Variants in PRKAA1 observed in about 807,000 individuals in gnomAD.
PRKAA1 encodes the protein protein kinase AMP-activated catalytic subunit alpha 1, also known as 5'-AMP-activated protein kinase catalytic subunit alpha-1.
Under a neutral mutation model 56.9 loss-of-function variants are expected in PRKAA1, and 23 were observed. That is an observed-to-expected ratio of 0.40 (90% confidence interval 0.29 to 0.57). The LOEUF (loss-of-function observed/expected upper bound fraction) is 0.57, where lower values mean the gene tolerates loss of function less well. PRKAA1 is among the 20% of genes least tolerant of loss of function. The pLI is 0.39. For synonymous variants in PRKAA1, 226 were observed against 227.0 expected, an observed-to-expected ratio of 1.00 and a Z score of 0.04; for missense variants, 413 against 679.7, an observed-to-expected ratio of 0.61 and a Z score of 4.36.
At position 40,762,511 on chromosome 5, in the gene PRKAA1, G is replaced by A; in HGVS notation, c.*267C>T. ...CCCTGTGTACACTAAATATAAAATA[G>A]CCAAAAATCAAGTAAGCCTGAGACC... is the stretch of plus-strand genomic sequence containing the variant. On this transcript the variant is annotated 3_prime_UTR_variant, in exon 9 of 9. Transcript: ENST00000397128. 2.7e-6 allele frequency: 1 copy of A among 366,506 alleles called. No homozygotes were observed. Among genetic ancestry groups the A allele is most frequent in the Non-Finnish European group, 5.0e-6 (1 of 199,522 alleles). The allele number at this position is 366,506 out of a possible 1,614,324, so 22.7% of individuals were successfully genotyped here. A position where few individuals can be genotyped will look rare whatever the true frequency, so the allele number is the denominator to read the frequency against.
Position 40,790,404 on chromosome 5 carries a change from G to A in PRKAA1, c.127+7659C>T, listed in dbSNP as rs997089843. 1.4e-4 allele frequency among the ~76,000 whole-genome samples: 21 copies of A among 152,184 alleles called. 1 individual carries two copies. Among genetic ancestry groups the A allele is most frequent in the Admixed American group, 1.2e-3 (19 of 15,274 alleles). ...CTTATACCCTCACACAGTGACAGCA[G>A]TGGGAGTTATTTAGCAGGATAGGGC... is the stretch of plus-strand genomic sequence containing the variant. On this transcript the variant is annotated intron_variant, in intron 1 of 8. Transcript: ENST00000397128.
chr5:40,786,052 C>T (rs1174314097), intron 1 of PRKAA1, among the ~76,000 whole-genome samples: 6 of 151,988 alleles, frequency 3.9e-5, no homozygotes, highest in Admixed American at 2.0e-4. Flanking sequence ...GTCAGGAGTT[C>T]GAGACCAGCC....
intron 5 of PRKAA1, 88 bp downstream of exon 5, chr5:40,769,328 G>T: frequency 1.9e-6 from 2 of 1,030,442 alleles, no homozygotes; most frequent in Non-Finnish European, 2.9e-6. Context: ...CCTTTCATTA[G>T]AATTAAATAT....
At chr5:40,781,957 T>A (rs1561181489) in intron 1 of PRKAA1, among the ~76,000 whole-genome samples, 1 of 152,216 alleles carries the variant, frequency 6.6e-6, no homozygotes. Flanking sequence ...CTGTTAAAGC[T>A]TGCTTCAGGA....
rs564491937 is a variant in PRKAA1, at chr5:40,775,066, A to C, written c.363+344T>G. 10 of 966,650 alleles carry C rather than the reference A, an allele frequency of 1.0e-5. No homozygotes were observed. In the East Asian group the frequency reaches 2.2e-4, roughly 21 times the overall value. The allele number at this position is 966,650 out of a possible 1,614,324, so 59.9% of individuals were successfully genotyped here. A position where few individuals can be genotyped will look rare whatever the true frequency, so the allele number is the denominator to read the frequency against. On this transcript the variant is annotated intron_variant, in intron 3 of 8. Coordinates refer to ENST00000397128, the MANE Select transcript of PRKAA1 (RefSeq NM_006251.6). ...AATAATAATATATTTTGTAACGATT[A>C]ATTACATTAAGATACATATTCAAAG...
chr5:40,773,076 C>T (rs74653842), intron 3 of PRKAA1, among the ~76,000 whole-genome samples: 7,493 of 152,220 alleles, frequency 0.049, 255 homozygotes, highest in Non-Finnish European at 0.068. Context: ...GCGAAGGACT[C>T]CAATATGCAA....
At chr5:40,768,990 T>G in intron 5 of PRKAA1, 1 of 1,229,266 alleles carries the variant, frequency 8.1e-7, no homozygotes, top group East Asian at 2.4e-5. Flanking sequence ...AAAGATTACT[T>G]CAGCCCAGTT....
Position 40,771,851 on chromosome 5 carries a change from C to G in PRKAA1, c.376G>C (p.Glu126Gln). Residue 126 changes from glutamate to glutamine, a missense_variant, in exon 4 of 9, where the codon GAA becomes CAA. Transcript: ENST00000397128. ...ATCTGTTGGAACAGACGCCGACTTT[C>G]TTTTTCATCCAGCTAAGAAAAGTTA... Reference protein sequence around the residue: ...ICKNGRLDEKESRRLFQQILS... With the variant: ...ICKNGRLDEKQSRRLFQQILS... 6.2e-7 allele frequency: 1 copy of G among 1,608,792 alleles called. No homozygotes were observed.
intron 1 of PRKAA1, among the ~76,000 whole-genome samples, chr5:40,794,357 T>G (rs2112109140): frequency 6.6e-6 from 1 of 152,306 alleles, no homozygotes; most frequent in Middle Eastern, 3.4e-3. Context: ...TTCTTACTTA[T>G]TTGTTTGAGT....
intron 2 of PRKAA1, among the ~76,000 whole-genome samples, chr5:40,776,665 TG>T (rs1414344685): frequency 6.6e-6 from 1 of 152,224 alleles, no homozygotes; most frequent in East Asian, 1.9e-4. Context: ...ACTCTATAAC[TG>T]GCAACTGTAA....
chr5:40,768,635 C>T (rs1579718716), intron 5 of PRKAA1: 1 of 1,135,926 alleles, frequency 8.8e-7, no homozygotes, highest in Admixed American at 4.9e-5. Flanking sequence ...TCTAGGCCAA[C>T]AAGCTTATAA....
At chr5:40,778,928 T>G (rs1414163522) in intron 1 of PRKAA1, among the ~76,000 whole-genome samples, 1 of 151,684 alleles carries the variant, frequency 6.6e-6, no homozygotes, top group Non-Finnish European at 1.5e-5. Context: ...CCCAAGTAGC[T>G]GGGACTACAG....
Position 40,764,618 on chromosome 5 carries a change from C to G in PRKAA1, c.1331G>C (p.Arg444Pro), listed in dbSNP as rs747211627. The G allele has an allele frequency of 6.2e-7, 1 of 1,613,898 alleles. No homozygotes were observed. Among genetic ancestry groups the G allele is most frequent in the South Asian group, 1.1e-5 (1 of 91,076 alleles). The part of the protein sequence containing the change: ...EWKVVNPYYL[R>P]VRRKNPVTST... ...TGTCACAGGATTCTTCCTTCGTACA[C>G]GCAAATAATATGGGTTTACAACCTA... Residue 444 changes from arginine to proline, a missense_variant, in exon 8 of 9, where the codon CGT (arginine) becomes CCT (proline). This residue lies in a region of PRKAA1 where 139 missense variants were observed against 171.5 expected (regional missense o/e 0.81). Transcript: ENST00000397128.
Position 40,760,356 on chromosome 5 carries a change from TAA to T in PRKAA1, c.*2420_*2421del, listed in dbSNP as rs1561161097. 6.5e-6 allele frequency: 1 copy of T among 152,702 alleles called. No individual in the cohort carries two copies. The highest frequency in any genetic ancestry group is 1.5e-5 in the Non-Finnish European group (1 of 68,012). The allele number at this position is 152,702 out of a possible 1,614,324, so 9.5% of individuals were successfully genotyped here. A position where few individuals can be genotyped will look rare whatever the true frequency, so the allele number is the denominator to read the frequency against. On this transcript the variant is annotated 3_prime_UTR_variant, in exon 9 of 9. Transcript: ENST00000397128. ...AACTAAAATGAATCACAATAACTTA[TAA>T]GAGAAGCAAAGTTTACAAAATTAAC...
intron 2 of PRKAA1, among the ~76,000 whole-genome samples, chr5:40,775,869 T>C (rs1456282046): frequency 1.3e-5 from 2 of 152,090 alleles, no homozygotes; most frequent in African/African-American, 4.8e-5. Context: ...GGAGAGGGAA[T>C]AGCAACTGCA....
At position 40,762,961 on chromosome 5, in the gene PRKAA1, G is replaced by C; in HGVS notation, c.1497C>G (p.Asn499Lys). The C allele has an allele frequency of 1.2e-6, 2 of 1,614,128 alleles. No individual in the cohort carries two copies. The highest frequency in any genetic ancestry group is 2.2e-5 in the South Asian group (2 of 91,082). ...ATPQRSGSVSNYRSCQRSDSD... is the reference protein window; with the variant it reads ...ATPQRSGSVSKYRSCQRSDSD... ...AATCACTCCTTTGGCAAGATCGATA[G>C]TTGCTAACTGATCCCGATCTCTGTG... is the stretch of plus-strand genomic sequence containing the variant. Residue 499 changes from asparagine (N) to lysine (K), a missense_variant, in exon 9 of 9, where the codon AAC becomes AAG. By Grantham distance (94) the Asn-to-Lys change is moderately conservative (BLOSUM62 0). Around this residue, in one of 9 missense-constraint regions of PRKAA1, gnomAD observed 139 missense variants for 171.5 expected, o/e 0.81. Coordinates refer to ENST00000397128, the MANE Select transcript of PRKAA1 (RefSeq NM_006251.6).
rs1743242109 is a variant in PRKAA1 at position 40,762,610 on chromosome 5, C to T, written c.*168G>A. The T allele has an allele frequency of 5.2e-6, 4 of 770,080 alleles. No individual in the cohort carries two copies. The highest frequency in any genetic ancestry group is 8.0e-6 in the Non-Finnish European group (4 of 497,010). The allele number at this position is 770,080 out of a possible 1,614,324, so 47.7% of individuals were successfully genotyped here. A position where few individuals can be genotyped will look rare whatever the true frequency, so the allele number is the denominator to read the frequency against. On this transcript the variant is annotated 3_prime_UTR_variant, in exon 9 of 9. Transcript: ENST00000397128. ...ACAAAATGATCTTAATTCATTTCTG[C>T]ATATTAGGCTTTTAACTATAAATCA...
intron 1 of PRKAA1, among the ~76,000 whole-genome samples, chr5:40,792,634 A>G (rs544749425): frequency 6.6e-6 from 1 of 152,340 alleles, no homozygotes; most frequent in East Asian, 1.9e-4. Flanking sequence ...TATATTTTTA[A>G]GATTCATTCA....
Position 40,762,806 on chromosome 5 carries a change from G to A in PRKAA1, c.1652C>T (p.Ala551Val), listed in dbSNP as rs1377155034. The A allele has an allele frequency of 6.2e-7, 1 of 1,614,064 alleles. No individual in the cohort carries two copies. The highest frequency in any genetic ancestry group is 8.5e-7 in the Non-Finnish European group (1 of 1,179,956). Reference sequence around the variant, plus strand: ...TTGTGCAAGAATTTTAATTAGATTTGCACACATCTCAAAAAATTCTATTGT... The same window carrying A: ...TTGTGCAAGAATTTTAATTAGATTTACACACATCTCAAAAAATTCTATTGT... ...SHTIEFFEMC[A>V]NLIKILAQ Residue 551 changes from alanine to valine, a missense_variant, in exon 9 of 9, where the codon GCA becomes GTA. Ala to Val is a moderately conservative substitution (Grantham distance 64). Around this residue, in one of 9 missense-constraint regions of PRKAA1, gnomAD observed 139 missense variants for 171.5 expected, o/e 0.81. Coordinates refer to ENST00000397128, the MANE Select transcript of PRKAA1 (RefSeq NM_006251.6).
Sources: gnomAD v4.1 joint callset for allele counts (sites outside exome capture counted in the v4.1 genomes callset) on GRCh38, gnomAD v4.1.1 for gene constraint, gnomAD v4.1.1 regional missense constraint, MANE v1.5 for transcripts, NCBI Gene and HGNC (gene_info 2026-07-23, HGNC 2026-07-21) for gene names.